Variants in ELOVL7 observed in about 807,000 individuals in gnomAD.
ELOVL7 encodes the protein ELOVL fatty acid elongase 7.
A neutral mutation model predicts 35.7 loss-of-function variants in ELOVL7; 27 were observed. That is an observed-to-expected ratio of 0.76 (90% CI 0.56 to 1.04). ELOVL7 has a LOEUF of 1.04. ELOVL7 is among the 50% of genes least tolerant of loss of function. The pLI is 0.00. For synonymous variants in ELOVL7, 113 were observed against 114.6 expected (o/e 0.99, Z 0.09); for missense variants, 327 against 340.8 (o/e 0.96, Z 0.32).
intron 1 of ELOVL7, among the ~76,000 whole-genome samples, chr5:60,831,428 G>C (rs1055785220): frequency 3.9e-5 from 6 of 152,204 alleles, no homozygotes; most frequent in African/African-American, 1.4e-4. Context: ...ATACACAAAT[G>C]TGATGTTTTG....
intron 2 of ELOVL7, among the ~76,000 whole-genome samples, chr5:60,796,953 T>C (rs1744300580): frequency 1.3e-5 from 2 of 152,132 alleles, no homozygotes; most frequent in African/African-American, 4.8e-5. Context: ...CAAAAACAAC[T>C]TGGGAAATGT....
intron 3 of ELOVL7, among the ~76,000 whole-genome samples, chr5:60,779,693 T>C (rs927427924): frequency 1.3e-5 from 2 of 152,200 alleles, no homozygotes; most frequent in Non-Finnish European, 2.9e-5. Flanking sequence ...GTCTCTGACA[T>C]ACTCTGGAGA....
chr5:60,797,472 T>A (rs537396132), intron 2 of ELOVL7, among the ~76,000 whole-genome samples: 5 of 152,326 alleles, frequency 3.3e-5, no homozygotes, highest in Non-Finnish European at 7.4e-5. Flanking sequence ...CTTAGGCACT[T>A]AGCCATACAG....
intron 2 of ELOVL7, among the ~76,000 whole-genome samples, chr5:60,793,108 G>A (rs574613296): frequency 2.6e-5 from 4 of 152,140 alleles, no homozygotes; most frequent in Non-Finnish European, 5.9e-5. Flanking sequence ...TGAGGAGTGG[G>A]AGGCCCTTCA....
At position 60,757,512 on chromosome 5, in the gene ELOVL7, C is replaced by T; in HGVS notation, c.633G>A (p.Gln211=). 6.2e-7 allele frequency: 1 copy of T among 1,613,070 alleles called. No individual in the cohort carries two copies. Among genetic ancestry groups the T allele is most frequent in the Middle Eastern group, 1.7e-4 (1 of 6,058 alleles). ...TTAAAGACAATTAATTACTCACAAG[C>T]TGTAATGATGTCAAATATTTTTTCC... ...LWWKKYLTSL[Q]LVQFVIVAIH... Residue 211 remains glutamine (Q), a synonymous_variant, in exon 8 of 9, where the codon CAG becomes CAA. Transcript: ENST00000508821.
intron 1 of ELOVL7, among the ~76,000 whole-genome samples, chr5:60,833,420 C>T (rs1746602370): frequency 6.6e-6 from 1 of 152,110 alleles, no homozygotes; most frequent in Non-Finnish European, 1.5e-5. Context: ...TGAGAGATGT[C>T]CTGTGGGACT....
At chr5:60,841,518 T>G (rs1747170717) in intron 1 of ELOVL7, among the ~76,000 whole-genome samples, 1 of 152,112 alleles carries the variant, frequency 6.6e-6, no homozygotes, top group Non-Finnish European at 1.5e-5. Context: ...TCCTCAAGCC[T>G]CTCCATGCAC....
chr5:60,823,489 G>A (rs1226739528), intron 1 of ELOVL7, among the ~76,000 whole-genome samples: 1 of 152,150 alleles, frequency 6.6e-6, no homozygotes, highest in Non-Finnish European at 1.5e-5. Context: ...GCCTACCACA[G>A]TGCCTGGCTT....
chr5:60,832,374 T>A lies in ELOVL7; in HGVS notation c.-86+11786A>T, dbSNP rs538064342. On this transcript the variant is annotated intron_variant, in intron 1 of 8. Transcript: ENST00000508821. Reference sequence around the variant, plus strand: ...TAAGGATTGGGGATTGATAGATTTTTTTTTTTTTTGAGACGGAGTCTCGCT... The same window carrying A: ...TAAGGATTGGGGATTGATAGATTTTATTTTTTTTTGAGACGGAGTCTCGCT... 5.3e-5 allele frequency among the ~76,000 whole-genome samples: 8 copies of A among 152,326 alleles called. No homozygotes were observed. The South Asian group carries it at 1.5e-3, about 28-fold the overall frequency.
chr5:60,796,555 C>A (rs1744278585), intron 2 of ELOVL7, among the ~76,000 whole-genome samples: 1 of 152,172 alleles, frequency 6.6e-6, no homozygotes, highest in African/African-American at 2.4e-5. Flanking sequence ...AAAATCCTCC[C>A]AAGTTGAGAA....
At position 60,767,864 on chromosome 5, in the gene ELOVL7, A is replaced by G. The variant is rs1742336834; in HGVS notation, c.295T>C (p.Cys99Arg). Residue 99 changes from cysteine to arginine, a missense_variant, in exon 5 of 9, where the codon TGT becomes CGT. Cys to Arg is a radical substitution (Grantham distance 180, BLOSUM62 -3). Coordinates refer to ENST00000508821, the MANE Select transcript of ELOVL7 (RefSeq NM_024930.3). ...GACCGTGAATAGTCAACAATGTCACATCGAAATGAATAACCTATACCCCAG... is the reference window on the plus strand; with the variant it reads ...GACCGTGAATAGTCAACAATGTCACGTCGAAATGAATAACCTATACCCCAG... ...SGWGIGYSFR[C>R]DIVDYSRSPT... 6.2e-7 allele frequency: 1 copy of G among 1,614,028 alleles called. No homozygotes were observed. The highest frequency in any genetic ancestry group is 2.2e-5 in the East Asian group (1 of 44,856).
At chr5:60,838,041 T>C (rs564374073) in intron 1 of ELOVL7, among the ~76,000 whole-genome samples, 49 of 152,270 alleles carry the variant, frequency 3.2e-4, no homozygotes, top group Middle Eastern at 3.4e-3. Flanking sequence ...TTCATAAAGG[T>C]GAAATGGCAA....
At chr5:60,817,147 A>C (rs1352902467) in intron 1 of ELOVL7, among the ~76,000 whole-genome samples, 1 of 152,100 alleles carries the variant, frequency 6.6e-6, no homozygotes, top group Non-Finnish European at 1.5e-5. Context: ...AGCACACAAA[A>C]TCAAAAGAGA....
chr5:60,794,279 G>A (rs924128192), intron 2 of ELOVL7, among the ~76,000 whole-genome samples: 2 of 152,336 alleles, frequency 1.3e-5, no homozygotes, highest in Non-Finnish European at 1.5e-5. Flanking sequence ...CGCCTTCTTC[G>A]TAGAGCAGAA....
intron 2 of ELOVL7, among the ~76,000 whole-genome samples, chr5:60,795,425 T>C (rs947246576): frequency 6.6e-5 from 10 of 152,118 alleles, no homozygotes; most frequent in African/African-American, 1.2e-4. Flanking sequence ...AGTCAAATCA[T>C]ATATATCACC....
chr5:60,773,040 G>A (rs77410306), intron 3 of ELOVL7, among the ~76,000 whole-genome samples: 2,026 of 152,156 alleles, frequency 0.013, 21 homozygotes, highest in South Asian at 0.022. Context: ...AAAAATGCAC[G>A]GTCTCACAAT....
intron 1 of ELOVL7, among the ~76,000 whole-genome samples, chr5:60,821,439 T>A (rs1038854585): frequency 2.0e-5 from 3 of 152,292 alleles, no homozygotes; most frequent in Admixed American, 6.5e-5. Flanking sequence ...ATCCTCCAAC[T>A]CAGCAAGCCC....
intron 2 of ELOVL7, among the ~76,000 whole-genome samples, chr5:60,793,204 G>C (rs886131763): frequency 3.9e-5 from 6 of 152,194 alleles, no homozygotes; most frequent in Non-Finnish European, 8.8e-5. Flanking sequence ...AAAGAGGTTG[G>C]TGTTATGCCA....
At chr5:60,782,228 T>C (rs1230741551) in intron 3 of ELOVL7, among the ~76,000 whole-genome samples, 1 of 152,166 alleles carries the variant, frequency 6.6e-6, no homozygotes. Context: ...AGAATGTCTG[T>C]TATCAAAAAG....
Sources: allele counts gnomAD v4.1 joint callset (sites outside exome capture counted in the v4.1 genomes callset), GRCh38; gene constraint gnomAD v4.1.1; transcripts MANE v1.5; gene names NCBI Gene and HGNC (gene_info 2026-07-23, HGNC 2026-07-21).